Variants in PCDHGC5 observed in about 807,000 individuals in gnomAD.
The protein encoded by PCDHGC5 is protocadherin gamma-C5.
In PCDHGC5, 25 loss-of-function variants were observed where a neutral mutation model predicts 59.0. The observed-to-expected ratio is 0.42, with a 90% confidence interval of 0.31 to 0.59. The LOEUF is 0.59. PCDHGC5 is among the 20% of genes least tolerant of loss of function. The pLI is 0.13. For synonymous variants in PCDHGC5, 434 were observed against 505.5 expected (o/e 0.86, Z 1.90); for missense variants, 1,067 against 1,206.4 (o/e 0.88, Z 1.71).
At chr5:141,510,155 C>G (rs1044168112) in intron 3 of PCDHGC5, among the ~76,000 whole-genome samples, 2 of 151,942 alleles carry the variant, frequency 1.3e-5, no homozygotes, top group African/African-American at 4.8e-5. Context: ...CACCTGTAAT[C>G]TCAGCTACTC....
chr5:141,499,457 T>G (rs1000400491), intron 2 of PCDHGC5, among the ~76,000 whole-genome samples: 1 of 152,214 alleles, frequency 6.6e-6, no homozygotes, highest in African/African-American at 2.4e-5. Context: ...CCCATCATTT[T>G]ACAATCTAGG....
At chr5:141,494,758 T>A (rs370692038) in intron 1 of PCDHGC5, 49 bp from the exon 2 acceptor site, 2 of 1,613,800 alleles carry the variant, frequency 1.2e-6, no homozygotes, top group Admixed American at 3.3e-5. Context: ...CGGGTGACAT[T>A]CTAACTTCTC....
intron 3 of PCDHGC5, among the ~76,000 whole-genome samples, chr5:141,506,484 C>T (rs1489425559): frequency 6.6e-6 from 1 of 150,566 alleles, no homozygotes; most frequent in Non-Finnish European, 1.5e-5. Context: ...GCTTTAGAGG[C>T]AGGCCAATCT....
In PCDHGC5 at chr5:141,489,261, A is replaced by C; in HGVS notation, c.21A>C (p.Pro7=). 6.4e-7 allele frequency: 1 copy of C among 1,551,956 alleles called. No individual in the cohort carries two copies. Among genetic ancestry groups the C allele is most frequent in the East Asian group, 2.2e-5 (1 of 44,450 alleles). The part of the protein sequence containing the change: MGPKTL[P]QLAGKWQVLC... Reference sequence around the variant, plus strand: ...GGGTCATGGGGCCCAAGACACTCCCACAGCTCGCTGGGAAATGGCAAGTGC... The same window carrying C: ...GGGTCATGGGGCCCAAGACACTCCCCCAGCTCGCTGGGAAATGGCAAGTGC... Residue 7 remains proline (P), a synonymous_variant, in exon 1 of 4, where the codon CCA becomes CCC. Coordinates refer to ENST00000252087, the MANE Select transcript of PCDHGC5 (RefSeq NM_018929.3). The surrounding 1 kb of genome is among the most constrained non-coding windows in gnomAD (Gnocchi z 4.5).
intron 3 of PCDHGC5, 77 bp downstream of exon 3, chr5:141,505,558 C>T (rs945428797): frequency 3.7e-6 from 6 of 1,605,016 alleles, no homozygotes; most frequent in African/African-American, 1.3e-5. Context: ...ACCATGCCCA[C>T]GGACTGGATG....
chr5:141,507,525 A>T (rs1053801558), intron 3 of PCDHGC5, among the ~76,000 whole-genome samples: 1 of 152,000 alleles, frequency 6.6e-6, no homozygotes, highest in Non-Finnish European at 1.5e-5. Context: ...ATGATTCCAG[A>T]GAGGCCAGAG....
At chr5:141,509,319 G>A (rs1427191152) in intron 3 of PCDHGC5, among the ~76,000 whole-genome samples, 3 of 152,216 alleles carry the variant, frequency 2.0e-5, no homozygotes, top group African/African-American at 4.8e-5. Context: ...TGGGAGAGAA[G>A]CTCTACTGCC....
chr5:141,499,414 T>C (rs543824206), intron 2 of PCDHGC5, among the ~76,000 whole-genome samples: 1 of 151,804 alleles, frequency 6.6e-6, no homozygotes, highest in Non-Finnish European at 1.5e-5. Context: ...TATAGAAACA[T>C]GAAAAATAGA....
At chr5:141,502,169 G>A (rs1366413076) in intron 2 of PCDHGC5, among the ~76,000 whole-genome samples, 1 of 152,110 alleles carries the variant, frequency 6.6e-6, no homozygotes, top group African/African-American at 2.4e-5. Flanking sequence ...ATTCAGTTGA[G>A]GAATTTAACA....
chr5:141,508,334 C>T (rs1323577321), intron 3 of PCDHGC5: 2 of 151,150 alleles, frequency 1.3e-5, no homozygotes, highest in African/African-American at 4.9e-5. Flanking sequence ...GGAGAACTGA[C>T]TCTACAGAAA....
chr5:141,494,950 A>T, intron 2 of PCDHGC5, 85 bp downstream of exon 2: 2 of 1,607,070 alleles, frequency 1.2e-6, no homozygotes, highest in African/African-American at 2.7e-5. Context: ...AGGGCCCAGC[A>T]TTTGCTACAG....
At position 141,512,091 on chromosome 5, in the gene PCDHGC5, A is replaced by C. The variant is rs1329025049; in HGVS notation, c.*918A>C. On this transcript the variant is annotated 3_prime_UTR_variant, in exon 4 of 4. Transcript: ENST00000252087. The stretch of plus-strand genomic sequence containing the variant: ...TCCAGATTCCAGCCATAAACCAATA[A>C]CTAGGCTGGACCCTTCCCACTACAT... 1 of 152,656 alleles carries C rather than the reference A, an allele frequency of 6.6e-6. No homozygotes were observed. The highest frequency in any genetic ancestry group is 2.4e-5 in the African/African-American group (1 of 41,456). 9.5% of individuals were successfully genotyped at this position (152,656 alleles called of 1,614,324 possible). A position where few individuals can be genotyped will look rare whatever the true frequency, so the allele number is the denominator to read the frequency against.
intron 2 of PCDHGC5, among the ~76,000 whole-genome samples, chr5:141,500,739 C>T (rs1199462920): frequency 6.6e-6 from 1 of 152,114 alleles, no homozygotes; most frequent in Non-Finnish European, 1.5e-5. Context: ...CAAAATTCTT[C>T]CCAAGTCATT....
Position 141,490,520 on chromosome 5 carries a change from G to A in PCDHGC5, c.1280G>A (p.Ser427Asn). 1 of 1,614,072 alleles carries A rather than the reference G, an allele frequency of 6.2e-7. No individual in the cohort carries two copies. Among genetic ancestry groups the A allele is most frequent in the Non-Finnish European group, 8.5e-7 (1 of 1,180,014 alleles). ...CACTATATCATCGAGCTGCTGGCCAGCGATGCTGGTTCACCTTCCCTACAC... is the reference window on the plus strand; with the variant it reads ...CACTATATCATCGAGCTGCTGGCCAACGATGCTGGTTCACCTTCCCTACAC... ...TSHYIIELLA[S>N]DAGSPSLHKH... The change falls in exon 1 of 4, where the codon AGC becomes AAC. Residue 427 changes from serine (S) to asparagine (N), a missense_variant. Physicochemically the swap from Ser to Asn is conservative, Grantham distance 46. Coordinates refer to ENST00000252087, the MANE Select transcript of PCDHGC5 (RefSeq NM_018929.3). The surrounding 1 kb of genome is among the most constrained non-coding windows in gnomAD (Gnocchi z 5.4).
intron 3 of PCDHGC5, 31 bp downstream of exon 3, chr5:141,505,512 T>C (rs754223095): frequency 6.2e-7 from 1 of 1,613,676 alleles, no homozygotes; most frequent in South Asian, 1.1e-5. Context: ...TATGGAAGAG[T>C]GGGAGACCTG....
At chr5:141,492,755 C>T (rs938918009) in intron 1 of PCDHGC5, among the ~76,000 whole-genome samples, 3 of 152,262 alleles carry the variant, frequency 2.0e-5, no homozygotes, top group African/African-American at 7.2e-5. Flanking sequence ...CGCGGCAGGG[C>T]TCCGCGTTGG....
At position 141,494,880 on chromosome 5, in the gene PCDHGC5, C is replaced by G. The variant is rs950094823; in HGVS notation, c.2519+15C>G. On this transcript the variant is annotated intron_variant, in intron 2 of 3. Transcript: ENST00000252087. ...GGCACCAGCGGGTAGGTGACTGATT[C>G]TCCAGCCCACCCTCTTCTCTGCGGC... The G allele has an allele frequency of 3.7e-6, 6 of 1,614,040 alleles. No individual in the cohort carries two copies. The African/African-American group carries it at 6.7e-5, about 18-fold the overall frequency.
At position 141,501,290 on chromosome 5, in the gene PCDHGC5, TACACACACACAC is replaced by T. The variant is rs55762287; in HGVS notation, c.2520-4070_2520-4059del. Among the ~76,000 whole-genome samples, 15 of 136,248 alleles carry T rather than the reference TACACACACACAC, an allele frequency of 1.1e-4. No homozygotes were observed. The South Asian group carries it at 1.2e-3, about 11-fold the overall frequency. The allele number at this position is 136,248 out of a possible 152,430, so 89.4% of individuals were successfully genotyped here. A position where few individuals can be genotyped will look rare whatever the true frequency, so the allele number is the denominator to read the frequency against. ...GTCCAGTCTATGGGATATTCCCTTA[TACACACACACAC>T]ACACACACACACACACACACACACA... On this transcript the variant is annotated intron_variant, in intron 2 of 3. Transcript: ENST00000252087.
chr5:141,501,323 A>G (rs2099807887), intron 2 of PCDHGC5, among the ~76,000 whole-genome samples: 1 of 151,850 alleles, frequency 6.6e-6, no homozygotes, highest in East Asian at 1.9e-4. Flanking sequence ...ACACACACAC[A>G]CACACACACA....
Sources: allele counts gnomAD v4.1 joint callset (sites outside exome capture counted in the v4.1 genomes callset), GRCh38; gene constraint gnomAD v4.1.1; non-coding constraint Gnocchi (gnomAD v3.1); transcripts MANE v1.5; gene names NCBI Gene and HGNC (gene_info 2026-07-23, HGNC 2026-07-21).